The following MZT2A variants were observed in gnomAD, a reference collection of about 807,000 sequenced individuals.
The protein encoded by MZT2A is mitotic-spindle organizing protein 2A.
In MZT2A, 8 loss-of-function variants were observed where a neutral mutation model predicts 12.4. That is an observed-to-expected ratio of 0.64 (90% CI 0.38 to 1.16). The LOEUF (loss-of-function observed/expected upper bound fraction) is 1.16, where lower values mean the gene tolerates loss of function less well. MZT2A is among the 50% of genes most tolerant of loss of function. MZT2A has a pLI of 0.01. For synonymous variants in MZT2A, 88 were observed against 107.5 expected, an observed-to-expected ratio of 0.82 and a Z score of 1.12; for missense variants, 181 against 223.6, an observed-to-expected ratio of 0.81 and a Z score of 1.22.
At chr2:131,471,925 G>C in intron 3 of MZT2A, 1 of 712,970 alleles carries the variant, frequency 1.4e-6, no homozygotes, top group Non-Finnish European at 1.9e-6. Context: ...CTAGAACCAG[G>C]CTTGGCCCTG....
chr2:131,476,222 C>T lies in MZT2A; in HGVS notation c.279-4040G>A, dbSNP rs780786554. On this transcript the variant is annotated intron_variant and NMD_transcript_variant, in intron 2 of 4. Coordinates refer to the MZT2A transcript ENST00000427024. ...GCCATGGTAAGGCCCGGGTCACTCC[C>T]GCCCCGCAGATGCCCAGGCAGACGA... 6.2e-6 allele frequency: 10 copies of T among 1,613,800 alleles called. No homozygotes were observed. In the African/African-American group the frequency reaches 6.7e-5, roughly 11 times the overall value.
intron 2 of MZT2A, 113 bp downstream of exon 2, chr2:131,491,763 C>T: frequency 3.9e-6 from 5 of 1,268,834 alleles, no homozygotes; most frequent in South Asian, 3.1e-5. Context: ...GGGCCTAGAC[C>T]GACCGACAGA....
intron 2 of MZT2A, chr2:131,489,952 T>C: frequency 4.1e-6 from 4 of 977,596 alleles, no homozygotes; most frequent in Non-Finnish European, 4.9e-6. Context: ...TCTCCTGGAG[T>C]GACAAGAACT....
chr2:131,486,277 A>G (rs1442099718), intron 2 of MZT2A: 1 of 166,894 alleles, frequency 6.0e-6, no homozygotes, highest in Non-Finnish European at 1.5e-5. Context: ...TCAAGGGGCA[A>G]GGATTCTGTC....
intron 2 of MZT2A, among the ~76,000 whole-genome samples, chr2:131,486,712 A>G (rs1171768025): frequency 2.0e-5 from 3 of 151,928 alleles, no homozygotes; most frequent in African/African-American, 7.3e-5. Context: ...TGCTGCCCGG[A>G]ACCCATGGCC....
At chr2:131,489,837 C>A in intron 2 of MZT2A, 7 of 959,016 alleles carry the variant, frequency 7.3e-6, no homozygotes, top group Non-Finnish European at 8.7e-6. Context: ...CTCACTGCCT[C>A]TCACTGGACT....
chr2:131,490,154 C>T (rs1679230288), intron 2 of MZT2A: 2 of 687,428 alleles, frequency 2.9e-6, no homozygotes, highest in African/African-American at 1.9e-5. Flanking sequence ...GACCCCTGGG[C>T]TCTCACAGGC....
At chr2:131,484,406 C>T (rs1452650171) in intron 2 of MZT2A, among the ~76,000 whole-genome samples, 188 bp from the exon 3 acceptor site, 2 of 152,248 alleles carry the variant, frequency 1.3e-5, no homozygotes, top group Non-Finnish European at 2.9e-5. Flanking sequence ...GCCCCAGAAG[C>T]CCTTGGCAGT....
chr2:131,487,411 G>A (rs1679093115), intron 2 of MZT2A, among the ~76,000 whole-genome samples: 1 of 152,170 alleles, frequency 6.6e-6, no homozygotes, highest in Non-Finnish European at 1.5e-5. Flanking sequence ...CCACGAGGTT[G>A]AGGCTGCAGT....
rs367559567 is a variant in MZT2A at position 131,490,434 on chromosome 2, G to A, written c.319+1442C>T. 13 of 1,294,772 alleles carry A rather than the reference G, an allele frequency of 1.0e-5. No homozygotes were observed. The African/African-American group carries it at 1.8e-4, about 18-fold the overall frequency. 80.2% of individuals were successfully genotyped at this position (1,294,772 alleles called of 1,614,324 possible). A position where few individuals can be genotyped will look rare whatever the true frequency, so the allele number is the denominator to read the frequency against. ...GCACCCGGCTGGCTGTCTTCCCCTGGAGAGGGGCTCTTTACACTCACCACT... is the reference window on the plus strand; with the variant it reads ...GCACCCGGCTGGCTGTCTTCCCCTGAAGAGGGGCTCTTTACACTCACCACT... On this transcript the variant is annotated intron_variant, in intron 2 of 2. Coordinates refer to ENST00000309451, the MANE Select transcript of MZT2A (RefSeq NM_001085365.2).
intron 3 of MZT2A, among the ~76,000 whole-genome samples, chr2:131,470,821 G>T (rs1290792054): frequency 2.7e-5 from 4 of 148,196 alleles, no homozygotes; most frequent in Non-Finnish European, 5.9e-5. Context: ...GAGGTGGGAG[G>T]ATCACTTGAG....
In MZT2A at chr2:131,484,241, G is replaced by C. The variant is rs201490406; in HGVS notation, c.320-23C>G. On this transcript the variant is annotated intron_variant, in intron 2 of 2. Coordinates refer to ENST00000309451, the MANE Select transcript of MZT2A (RefSeq NM_001085365.2). ...TCCCTAAGGAGACACAAAGCACAAT[G>C]ATTAGGAATGGACGCGCCCCATAAA... 602 of 1,610,382 alleles carry C rather than the reference G, an allele frequency of 3.7e-4. 9 individuals are homozygous for C. In the South Asian group the frequency reaches 6.1e-3, roughly 16 times the overall value.
At chr2:131,488,008 C>G (rs1223873354) in intron 2 of MZT2A, among the ~76,000 whole-genome samples, 1 of 152,162 alleles carries the variant, frequency 6.6e-6, no homozygotes, top group Non-Finnish European at 1.5e-5. Context: ...CTCAAGAGAT[C>G]CAGCAGCCTC....
At chr2:131,475,833 G>A (rs1397570873) in intron 2 of MZT2A, among the ~76,000 whole-genome samples, 1 of 152,124 alleles carries the variant, frequency 6.6e-6, no homozygotes, top group Non-Finnish European at 1.5e-5. Context: ...AGGGGCAGTG[G>A]CACACTGGGA....
downstream of MZT2A, chr2:131,483,937 A>G (rs1678944785): frequency 4.2e-6 from 6 of 1,438,914 alleles, no homozygotes; most frequent in Middle Eastern, 5.2e-4. Flanking sequence ...TATAAAAAAA[A>G]AAAAAAAACA....
chr2:131,493,646 C>T (rs139274942), upstream of MZT2A, among the ~76,000 whole-genome samples: 4 of 151,844 alleles, frequency 2.6e-5, no homozygotes, highest in Admixed American at 2.0e-4. Context: ...TAGCGTTGCC[C>T]AAGGGCTGTC....
At chr2:131,477,140 C>T (rs1678701866) in intron 2 of MZT2A, among the ~76,000 whole-genome samples, 1 of 151,796 alleles carries the variant, frequency 6.6e-6, no homozygotes, top group Admixed American at 6.6e-5. Flanking sequence ...TGGCTTCCAG[C>T]AGCCCTCCCA....
chr2:131,490,881 G>A (rs1679267026), intron 2 of MZT2A: 8 of 1,550,016 alleles, frequency 5.2e-6, no homozygotes, highest in African/African-American at 4.1e-5. Flanking sequence ...CTGGCAGAGA[G>A]AAAGGAGGCC....
chr2:131,485,503 G>A (rs1247224786), intron 2 of MZT2A, among the ~76,000 whole-genome samples: 2 of 152,114 alleles, frequency 1.3e-5, no homozygotes, highest in African/African-American at 2.4e-5. Flanking sequence ...GCTGTCCCTC[G>A]TGAGGGCACG....
Sources: allele counts gnomAD v4.1 joint callset (sites outside exome capture counted in the v4.1 genomes callset), GRCh38; gene constraint gnomAD v4.1.1; transcripts MANE v1.5; gene names NCBI Gene and HGNC (gene_info 2026-07-23, HGNC 2026-07-21).